Variants in CSGALNACT1 observed in about 807,000 individuals in gnomAD.
The protein encoded by CSGALNACT1 is beta4GalNAcT-1.
A neutral mutation model predicts 51.0 loss-of-function variants in CSGALNACT1; 52 were observed. That is an observed-to-expected ratio of 1.02 (90% CI 0.82 to 1.29). CSGALNACT1 has a LOEUF of 1.29. CSGALNACT1 is among the 50% of genes most tolerant of loss of function. The pLI is 0.00. For synonymous variants in CSGALNACT1, 341 were observed against 254.4 expected (o/e 1.34, Z -3.24); for missense variants, 935 against 679.2 (o/e 1.38, Z -4.19).
At chr8:19,466,667 G>C (rs2066756683) in intron 4 of CSGALNACT1, among the ~76,000 whole-genome samples, 2 of 152,160 alleles carry the variant, frequency 1.3e-5, no homozygotes, top group Admixed American at 6.5e-5. Flanking sequence ...TGTGACATTT[G>C]TGGAAGAGAT....
At chr8:19,425,235 G>A (rs1219648681) in intron 6 of CSGALNACT1, among the ~76,000 whole-genome samples, 1 of 152,154 alleles carries the variant, frequency 6.6e-6, no homozygotes, top group East Asian at 1.9e-4. Flanking sequence ...TCACTACTTG[G>A]GAGGCTGAGG....
At chr8:19,548,062 C>T (rs998338394) in intron 3 of CSGALNACT1, among the ~76,000 whole-genome samples, 3 of 152,126 alleles carry the variant, frequency 2.0e-5, no homozygotes, top group African/African-American at 7.2e-5. Flanking sequence ...TGGAAATGTC[C>T]AAAGCTGGAA....
intron 1 of CSGALNACT1, among the ~76,000 whole-genome samples, chr8:19,738,712 T>C (rs777357057): frequency 6.6e-6 from 1 of 152,112 alleles, no homozygotes; most frequent in Non-Finnish European, 1.5e-5. Context: ...AGTTTTAAAG[T>C]TAAGGGCTGG....
intron 1 of CSGALNACT1, among the ~76,000 whole-genome samples, chr8:19,640,175 T>A (rs1190627090): frequency 6.6e-6 from 1 of 152,198 alleles, no homozygotes; most frequent in East Asian, 1.9e-4. Flanking sequence ...AAATAGCTTA[T>A]TAACATCTCC....
rs1589312879 is a variant in CSGALNACT1 at position 19,658,002 on chromosome 8, A to G, written c.-544+24471T>C. Among the ~76,000 whole-genome samples the G allele has an allele frequency of 3.3e-5, 5 of 151,038 alleles. No individual in the cohort carries two copies. In the East Asian group the frequency reaches 1.0e-3, roughly 30 times the overall value. ...AACCTTGAAATCATTATTCAGGCAG[A>G]ATAGTGATAGAATAATTAATTACTC... On this transcript the variant is annotated intron_variant, in intron 1 of 9. Transcript: ENST00000332246.
chr8:19,510,884 C>G (rs969441056), intron 3 of CSGALNACT1, among the ~76,000 whole-genome samples: 3 of 152,144 alleles, frequency 2.0e-5, no homozygotes. Context: ...AAGACTTAAA[C>G]GAAATGTGGC....
intron 1 of CSGALNACT1, among the ~76,000 whole-genome samples, chr8:19,705,587 A>G (rs1189026134): frequency 1.3e-5 from 2 of 152,116 alleles, no homozygotes; most frequent in African/African-American, 2.4e-5. Context: ...AATACAAAAA[A>G]TTAGCCGGGC....
intron 6 of CSGALNACT1, among the ~76,000 whole-genome samples, chr8:19,426,410 A>G (rs1210909442): frequency 6.6e-6 from 1 of 152,208 alleles, no homozygotes; most frequent in Non-Finnish European, 1.5e-5. Context: ...AGAAAAATAC[A>G]CTGCAATATG....
intron 1 of CSGALNACT1, among the ~76,000 whole-genome samples, chr8:19,608,386 G>A (rs1353572740): frequency 1.3e-5 from 2 of 152,184 alleles, no homozygotes; most frequent in Non-Finnish European, 2.9e-5. Flanking sequence ...TTCAGTCCCG[G>A]TTCTGCCATG....
At chr8:19,626,220 G>C (rs1033549726) in intron 1 of CSGALNACT1, among the ~76,000 whole-genome samples, 10 of 152,098 alleles carry the variant, frequency 6.6e-5, no homozygotes, top group African/African-American at 2.4e-4. Context: ...CAGAGAAAAA[G>C]GTCCATAGAT....
At chr8:19,406,209 T>C (rs775217018) in intron 9 of CSGALNACT1, 140 bp from the exon 9 acceptor site, 8 of 994,752 alleles carry the variant, frequency 8.0e-6, no homozygotes, top group Non-Finnish European at 1.3e-5. Flanking sequence ...GGTACGAGAG[T>C]GTCCACCTGG....
intron 3 of CSGALNACT1, among the ~76,000 whole-genome samples, chr8:19,571,891 G>A (rs1324139844): frequency 1.3e-5 from 2 of 152,224 alleles, no homozygotes; most frequent in African/African-American, 4.8e-5. Flanking sequence ...TAAGTTTTCT[G>A]TAGGGCCTAC....
chr8:19,565,245 C>CA (rs2041661464), intron 3 of CSGALNACT1, among the ~76,000 whole-genome samples: 1 of 151,976 alleles, frequency 6.6e-6, no homozygotes, highest in South Asian at 2.1e-4. Flanking sequence ...TTCTAAAAGT[C>CA]AAAAAACACC....
chr8:19,666,374 T>C (rs1378379849), intron 1 of CSGALNACT1, among the ~76,000 whole-genome samples: 2 of 152,116 alleles, frequency 1.3e-5, no homozygotes, highest in Non-Finnish European at 2.9e-5. Flanking sequence ...TCCTATTCTA[T>C]TTAGCTACTT....
intron 1 of CSGALNACT1, among the ~76,000 whole-genome samples, chr8:19,676,891 G>A (rs754579912): frequency 2.6e-5 from 4 of 152,176 alleles, no homozygotes; most frequent in African/African-American, 7.2e-5. Flanking sequence ...AAACACTACT[G>A]ATAAATGAAG....
At chr8:19,490,609 G>C (rs991376751) in intron 4 of CSGALNACT1, among the ~76,000 whole-genome samples, 2 of 152,280 alleles carry the variant, frequency 1.3e-5, no homozygotes, top group Non-Finnish European at 2.9e-5. Flanking sequence ...ATCCACACCA[G>C]CTTAGTGCTA....
intron 6 of CSGALNACT1, among the ~76,000 whole-genome samples, chr8:19,430,286 A>T (rs1332004263): frequency 6.6e-6 from 1 of 152,216 alleles, no homozygotes; most frequent in Middle Eastern, 3.2e-3. Context: ...AAGGTCATGA[A>T]GACTTACACC....
intron 1 of CSGALNACT1, among the ~76,000 whole-genome samples, chr8:19,675,666 T>A (rs1057133851): frequency 5.9e-5 from 9 of 152,204 alleles, no homozygotes; most frequent in Middle Eastern, 3.4e-3. Flanking sequence ...CTAATTTTTT[T>A]AATTTTTAGT....
chr8:19,486,440 C>A (rs949890549), intron 4 of CSGALNACT1, among the ~76,000 whole-genome samples: 8 of 152,208 alleles, frequency 5.3e-5, no homozygotes, highest in African/African-American at 1.4e-4. Context: ...TCACCCGGGT[C>A]TATGAGGCTC....
Sources: gnomAD v4.1 joint callset for allele counts (sites outside exome capture counted in the v4.1 genomes callset) on GRCh38, gnomAD v4.1.1 for gene constraint, MANE v1.5 for transcripts, NCBI Gene and HGNC (gene_info 2026-07-23, HGNC 2026-07-21) for gene names.